ST3GAL5: variants seen among roughly 807,000 people sequenced by gnomAD.
ST3GAL5 encodes ST3 beta-galactoside alpha-2,3-sialyltransferase 5.
In ST3GAL5, 25 loss-of-function variants were observed where a neutral mutation model predicts 46.1. That is an observed-to-expected ratio of 0.54 (90% confidence interval 0.40 to 0.76). ST3GAL5 has a LOEUF of 0.76. Among genes scored for constraint, ST3GAL5 ranks in the 30% least tolerant of loss-of-function variants. The pLI is 0.00. For missense variants in ST3GAL5, 431 were observed against 521.2 expected (o/e 0.83, Z 1.69); for synonymous variants, 182 against 192.7 (o/e 0.94, Z 0.46).
chr2:85,885,595 G>A (rs1180821569), intron 1 of ST3GAL5, among the ~76,000 whole-genome samples: 4 of 151,978 alleles, frequency 2.6e-5, no homozygotes, highest in East Asian at 1.9e-4. Flanking sequence ...TTGGGAGGCC[G>A]AGGTGGGCGG....
At chr2:85,860,264 C>G (rs570728167) in intron 3 of ST3GAL5, among the ~76,000 whole-genome samples, 1 of 152,288 alleles carries the variant, frequency 6.6e-6, no homozygotes, top group Admixed American at 6.5e-5. Flanking sequence ...GCAGCTCAAC[C>G]TTTCAAGCCA....
At chr2:85,861,386 T>G (rs2104060082) in intron 2 of ST3GAL5, 94 bp from the exon 3 acceptor site, 7 of 817,012 alleles carry the variant, frequency 8.6e-6, no homozygotes, top group Middle Eastern at 2.3e-4. Flanking sequence ...TGAGTCTGCC[T>G]GCTATGCAGC....
intron 6 of ST3GAL5, among the ~76,000 whole-genome samples, chr2:85,840,992 C>T (rs190423359): frequency 1.1e-3 from 158 of 146,954 alleles, no homozygotes; most frequent in Non-Finnish European, 2.0e-3. Context: ...ATGTCTACCC[C>T]ACTGGTCCTT....
chr2:85,847,389 A>G (rs13020072), intron 4 of ST3GAL5: 317,828 of 996,948 alleles, frequency 0.32, 51,687 homozygotes, highest in East Asian at 0.53. Context: ...TACTGTAGCC[A>G]GCAGCATGCT....
rs1176984825 is a variant in ST3GAL5, at chr2:85,838,971, C to G, written c.*1173G>C. Reference sequence around the variant, plus strand: ...GGAGGAAGCCACCGACACCCAGCATCTCTTCAGAAGGGTTCACAGTTGTCT... The same window carrying G: ...GGAGGAAGCCACCGACACCCAGCATGTCTTCAGAAGGGTTCACAGTTGTCT... On this transcript the variant is annotated 3_prime_UTR_variant, in exon 7 of 7. Transcript: ENST00000638572. The G allele has an allele frequency of 6.6e-6, 1 of 152,474 alleles. No homozygotes were observed. Among genetic ancestry groups the G allele is most frequent in the Non-Finnish European group, 1.5e-5 (1 of 68,266 alleles). 9.4% of individuals were successfully genotyped at this position (152,474 alleles called of 1,614,324 possible).
chr2:85,872,089 G>A (rs1432625158), intron 1 of ST3GAL5, among the ~76,000 whole-genome samples: 3 of 152,138 alleles, frequency 2.0e-5, no homozygotes, highest in African/African-American at 7.2e-5. Flanking sequence ...GTGGTGTCCA[G>A]GCAGGAGGGG....
intron 1 of ST3GAL5, chr2:85,880,824 A>C (rs1687063583): frequency 8.8e-6 from 4 of 455,016 alleles, no homozygotes; most frequent in South Asian, 6.0e-5. Flanking sequence ...AATCTGTCTA[A>C]AAAGAAAAAA....
intron 3 of ST3GAL5, among the ~76,000 whole-genome samples, chr2:85,859,429 G>A (rs1000208593): frequency 6.6e-6 from 1 of 152,204 alleles, no homozygotes; most frequent in African/African-American, 2.4e-5. Context: ...GCAAAGGACT[G>A]GGGGAGGTAT....
intron 2 of ST3GAL5, among the ~76,000 whole-genome samples, chr2:85,861,516 T>A (rs931381917): frequency 6.6e-6 from 1 of 152,004 alleles, no homozygotes. Flanking sequence ...CAGAAAAAAC[T>A]TTTTTTGCAA....
chr2:85,846,086 C>T, intron 5 of ST3GAL5: 1 of 359,232 alleles, frequency 2.8e-6, no homozygotes, highest in Non-Finnish European at 5.2e-6. Flanking sequence ...ATCCTAGCTA[C>T]TCGGGAGGCT....
intron 1 of ST3GAL5, chr2:85,867,868 G>T: frequency 3.4e-6 from 2 of 593,988 alleles, no homozygotes; most frequent in South Asian, 1.7e-5. Context: ...CTGGGACTGG[G>T]GTTAGTCAGA....
chr2:85,873,186 C>T (rs1043743926), intron 1 of ST3GAL5, among the ~76,000 whole-genome samples: 2 of 152,146 alleles, frequency 1.3e-5, no homozygotes, highest in African/African-American at 4.8e-5. Context: ...CACTGAATGA[C>T]TGACATGTTA....
intron 6 of ST3GAL5, among the ~76,000 whole-genome samples, chr2:85,843,541 G>A (rs1682402034): frequency 1.3e-5 from 2 of 152,144 alleles, no homozygotes; most frequent in African/African-American, 2.4e-5. Context: ...TTTGTGAAAT[G>A]TCTATTCCTA....
intron 1 of ST3GAL5, among the ~76,000 whole-genome samples, chr2:85,870,607 T>G (rs777323190): frequency 6.6e-6 from 1 of 152,204 alleles, no homozygotes; most frequent in African/African-American, 2.4e-5. Flanking sequence ...TGTAACAGAT[T>G]CTTCTTAAAG....
chr2:85,873,615 G>C (rs1172869564), intron 1 of ST3GAL5, among the ~76,000 whole-genome samples: 1 of 152,066 alleles, frequency 6.6e-6, no homozygotes, highest in Non-Finnish European at 1.5e-5. Flanking sequence ...GGAGCCCTCT[G>C]TAGAGAGAGG....
At chr2:85,847,722 G>A in intron 4 of ST3GAL5, 139 bp downstream of exon 4, 1 of 1,358,076 alleles carries the variant, frequency 7.4e-7, no homozygotes, top group South Asian at 1.5e-5. Context: ...CTGAGCCTGG[G>A]AAGTTGAGGC....
At chr2:85,873,602 A>C (rs1454958534) in intron 1 of ST3GAL5, among the ~76,000 whole-genome samples, 5 of 152,028 alleles carry the variant, frequency 3.3e-5, no homozygotes, top group Non-Finnish European at 7.4e-5. Context: ...CAGGGAGGAA[A>C]GAGGAGCCCT....
chr2:85,877,811 CA>C (rs1346945953), intron 1 of ST3GAL5, among the ~76,000 whole-genome samples: 1 of 151,934 alleles, frequency 6.6e-6, no homozygotes, highest in Non-Finnish European at 1.5e-5. Context: ...AGGTGATGAA[CA>C]AAAATTAACA....
chr2:85,863,056 T>C (rs911820316), intron 2 of ST3GAL5, among the ~76,000 whole-genome samples: 3 of 152,188 alleles, frequency 2.0e-5, no homozygotes, highest in Admixed American at 6.5e-5. Context: ...AAAGCCCTCT[T>C]TTGTTAAATA....
Sources: gnomAD v4.1 joint callset for allele counts (sites outside exome capture counted in the v4.1 genomes callset) on GRCh38, gnomAD v4.1.1 for gene constraint, MANE v1.5 for transcripts, NCBI Gene and HGNC (gene_info 2026-07-23, HGNC 2026-07-21) for gene names.